The following SCYL1 variants were observed in gnomAD, a reference collection of about 807,000 sequenced individuals.
The protein encoded by SCYL1 is N-terminal kinase-like protein.
SCYL1 carries 85 observed loss-of-function variants against 94.8 expected under a neutral mutation model. That is an observed-to-expected ratio of 0.90 (90% CI 0.75 to 1.07). The LOEUF is 1.07. Ranked by LOEUF, SCYL1 falls within the 50% of genes least tolerant of loss-of-function variation. SCYL1 has a pLI of 0.00. For missense variants in SCYL1, 968 were observed against 1,083.3 expected (o/e 0.89, Z 1.49); for synonymous variants, 459 against 435.5 (o/e 1.05, Z -0.67).
At position 65,526,935 on chromosome 11, in the gene SCYL1, G is replaced by A. The variant is rs1855115345; in HGVS notation, c.694-27G>A. 2 of 1,609,888 alleles carry A rather than the reference G, an allele frequency of 1.2e-6. No individual in the cohort carries two copies. The highest frequency in any genetic ancestry group is 1.7e-6 in the Non-Finnish European group (2 of 1,177,276). On this transcript the variant is annotated intron_variant, in intron 5 of 17. Coordinates refer to ENST00000270176, the MANE Select transcript of SCYL1 (RefSeq NM_020680.4). The surrounding 1 kb of genome is among the most constrained non-coding windows in gnomAD (Gnocchi z 4.1). Reference sequence around the variant, plus strand: ...GCCCCTCTGCCAGCTGGCTACCCCTGCCCTGACACTGACCCCTCCCCTACA... The same window carrying A: ...GCCCCTCTGCCAGCTGGCTACCCCTACCCTGACACTGACCCCTCCCCTACA...
intron 6 of SCYL1, among the ~76,000 whole-genome samples, chr11:65,527,504 T>C (rs950307820): frequency 6.6e-6 from 1 of 152,028 alleles, no homozygotes; most frequent in African/African-American, 2.4e-5. Flanking sequence ...TTTGGGAGGC[T>C]GAGGTGGGTG....
chr11:65,531,512 A>T, intron 7 of SCYL1, 64 bp from the exon 8 acceptor site: 1 of 1,255,664 alleles, frequency 8.0e-7, no homozygotes, highest in Non-Finnish European at 1.2e-6. Flanking sequence ...CCAGGAATTT[A>T]GATAAGCCCA....
Position 65,538,625 on chromosome 11 carries a change from A to G in SCYL1, c.*59A>G. 3.8e-6 allele frequency: 6 copies of G among 1,562,726 alleles called. No individual in the cohort carries two copies. Among genetic ancestry groups the G allele is most frequent in the Middle Eastern group, 1.7e-4 (1 of 5,882 alleles). ...CCCGCCCCACAGATGTATTTATTGT[A>G]CAAACCATGTGAGCCCGGCCGGCCC... On this transcript the variant is annotated 3_prime_UTR_variant, in exon 18 of 18. Coordinates refer to ENST00000270176, the MANE Select transcript of SCYL1 (RefSeq NM_020680.4).
rs990936341 is a variant in SCYL1 at position 65,536,575 on chromosome 11, C to T, written c.1652-11C>T. The T allele has an allele frequency of 5.0e-6, 8 of 1,613,754 alleles. No homozygotes were observed. The East Asian group carries it at 1.8e-4, about 36-fold the overall frequency. ...TGCCCATACCCACCTCTCTCTCATG[C>T]CACTGCCCAGAGAAGGATGTCCATG... is the stretch of plus-strand genomic sequence containing the variant. On this transcript the variant is annotated splice_polypyrimidine_tract_variant and intron_variant, in intron 12 of 17. Transcript: ENST00000270176.
chr11:65,533,113 C>T (rs1166355100), intron 9 of SCYL1: 1 of 342,484 alleles, frequency 2.9e-6, no homozygotes, highest in Admixed American at 3.8e-5. Context: ...CCAGACAATA[C>T]AACAGAATTA....
At chr11:65,527,437 G>A (rs1450860463) in intron 6 of SCYL1, among the ~76,000 whole-genome samples, 2 of 151,984 alleles carry the variant, frequency 1.3e-5, no homozygotes, top group African/African-American at 4.8e-5. Flanking sequence ...GATTTTTTTG[G>A]ATTACAGATG....
Position 65,535,908 on chromosome 11 carries a change from A to G in SCYL1, c.1387-45A>G, listed in dbSNP as rs764624398. 2.6e-5 allele frequency: 39 copies of G among 1,509,412 alleles called. No homozygotes were observed. The Middle Eastern group carries it at 6.7e-4, about 26-fold the overall frequency. The allele number at this position is 1,509,412 out of a possible 1,614,324, so 93.5% of individuals were successfully genotyped here. Reference sequence around the variant, plus strand: ...TAAGGGCTGGTGGTTCTGGGTCCCAACATTGACCCTACACTCAGGAGCCCT... The same window carrying G: ...TAAGGGCTGGTGGTTCTGGGTCCCAGCATTGACCCTACACTCAGGAGCCCT... On this transcript the variant is annotated intron_variant, in intron 10 of 17. Transcript: ENST00000270176.
chr11:65,538,081 C>G lies in SCYL1; in HGVS notation c.2146C>G (p.Pro716Ala). 2 of 1,607,740 alleles carry G rather than the reference C, an allele frequency of 1.2e-6. No individual in the cohort carries two copies. Among genetic ancestry groups the G allele is most frequent in the Non-Finnish European group, 1.7e-6 (2 of 1,177,706 alleles). ...WQEPSSQEPP[P>A]DGTRLASEYN... is the part of the protein sequence containing the mutation. ...GGAGCCAAGCTCCCAGGAGCCACCT[C>G]CTGACGGTACACGGCTGGCCAGCGA... The change falls in exon 16 of 18, where the codon CCT (proline) becomes GCT (alanine). Residue 716 changes from proline (P) to alanine (A), a missense_variant. By Grantham distance (27) the Pro-to-Ala change is conservative. Around this residue, in one of 2 missense-constraint regions of SCYL1, gnomAD observed 474 missense variants for 463.6 expected, o/e 1.02. Coordinates refer to ENST00000270176, the MANE Select transcript of SCYL1 (RefSeq NM_020680.4).
At chr11:65,531,706 T>G in intron 8 of SCYL1, 23 bp downstream of exon 8, 3 of 1,574,832 alleles carry the variant, frequency 1.9e-6, no homozygotes, top group Non-Finnish European at 2.6e-6. Context: ...TACCAGACTC[T>G]GTGGTGGTCC....
chr11:65,525,661 C>T lies in SCYL1; in HGVS notation c.199C>T (p.Arg67Cys), dbSNP rs1267093507. Residue 67 changes from arginine (R) to cysteine (C), a missense_variant, in exon 2 of 18, where the codon CGC becomes TGC. By Grantham distance (180) the Arg-to-Cys change is radical (BLOSUM62 -3). Coordinates refer to ENST00000270176, the MANE Select transcript of SCYL1 (RefSeq NM_020680.4). Reference protein sequence around the residue: ...QTQVAKAAFKRFKTLRHPNIL... With the variant: ...QTQVAKAAFKCFKTLRHPNIL... ...CCAGGTGGCCAAAGCTGCCTTCAAG[C>T]GCTTCAAAACTCTACGGCACCCCAA... is the stretch of plus-strand genomic sequence containing the variant. The T allele has an allele frequency of 3.1e-6, 5 of 1,612,828 alleles. No individual in the cohort carries two copies. In the Admixed American group the frequency reaches 5.0e-5, roughly 16 times the overall value.
chr11:65,536,810 GGAAC>G, intron 13 of SCYL1, 60 bp downstream of exon 13: 1 of 1,530,890 alleles, frequency 6.5e-7, no homozygotes, highest in East Asian at 2.3e-5. Flanking sequence ...CAGGCACCCA[GGAAC>G]TCTTACTGTC....
At chr11:65,534,339 G>A (rs975741915) in intron 9 of SCYL1, among the ~76,000 whole-genome samples, 8 of 152,186 alleles carry the variant, frequency 5.3e-5, no homozygotes, top group African/African-American at 1.7e-4. Context: ...TTGAACCCAG[G>A]AGGCAGAGGT....
rs375478180 is a variant in SCYL1 at position 65,525,902 on chromosome 11, C to G, written c.253-19C>G. 1 of 1,611,244 alleles carries G rather than the reference C, an allele frequency of 6.2e-7. No homozygotes were observed. Among genetic ancestry groups the G allele is most frequent in the Non-Finnish European group, 8.5e-7 (1 of 1,178,642 alleles). ...TCTCTGCCCCTCCGCCCTTGATAACCCTGTGTCCCCTTCCCCAGACAGAAA... is the reference window on the plus strand; with the variant it reads ...TCTCTGCCCCTCCGCCCTTGATAACGCTGTGTCCCCTTCCCCAGACAGAAA... On this transcript the variant is annotated intron_variant, in intron 2 of 17. Transcript: ENST00000270176.
intron 6 of SCYL1, among the ~76,000 whole-genome samples, chr11:65,528,123 C>T (rs984997012): frequency 6.6e-6 from 1 of 152,204 alleles, no homozygotes; most frequent in Non-Finnish European, 1.5e-5. Context: ...GGAACTCTTG[C>T]TGGGGAAGAG....
chr11:65,531,754 C>A, intron 8 of SCYL1, 71 bp downstream of exon 8: 1 of 1,142,054 alleles, frequency 8.8e-7, no homozygotes, highest in East Asian at 2.4e-5. Context: ...AGGCACCTGC[C>A]CTGGCTGCAC....
intron 2 of SCYL1, 22 bp from the exon 3 acceptor site, chr11:65,525,899 A>G (rs1385239602): frequency 2.5e-6 from 4 of 1,609,704 alleles, no homozygotes; most frequent in Admixed American, 3.4e-5. Flanking sequence ...CGCCCTTGAT[A>G]ACCCTGTGTC....
intron 9 of SCYL1, among the ~76,000 whole-genome samples, chr11:65,533,694 A>G (rs1246010396): frequency 6.6e-6 from 1 of 151,342 alleles, no homozygotes; most frequent in African/African-American, 2.4e-5. Context: ...GCAGGTAGGT[A>G]GCTTGAGCCC....
chr11:65,534,256 A>T (rs888053627), intron 9 of SCYL1, among the ~76,000 whole-genome samples: 44 of 151,812 alleles, frequency 2.9e-4, no homozygotes, highest in African/African-American at 1.0e-3. Context: ...AATAAAAATT[A>T]AAAAAATTAG....
chr11:65,528,766 A>AAAAAG (rs1200323447), intron 6 of SCYL1, among the ~76,000 whole-genome samples: 1 of 152,226 alleles, frequency 6.6e-6, no homozygotes, highest in Non-Finnish European at 1.5e-5. Flanking sequence ...AGTCTTAAAA[A>AAAAAG]AAAAGAAAAG....
Sources: gnomAD v4.1 joint callset for allele counts (sites outside exome capture counted in the v4.1 genomes callset) on GRCh38, gnomAD v4.1.1 for gene constraint, gnomAD v4.1.1 regional missense constraint, Gnocchi (gnomAD v3.1) non-coding constraint, MANE v1.5 for transcripts, NCBI Gene and HGNC (gene_info 2026-07-23, HGNC 2026-07-21) for gene names.